Variants in SNX8 observed in about 807,000 individuals in gnomAD.
The protein encoded by SNX8 is sorting nexin 8.
Under a neutral mutation model 51.6 loss-of-function variants are expected in SNX8, and 25 were observed. The observed-to-expected ratio is 0.48, with a 90% CI of 0.35 to 0.68. The LOEUF (loss-of-function observed/expected upper bound fraction) is 0.68, where lower values mean the gene tolerates loss of function less well. Ranked by LOEUF, SNX8 falls within the 30% of genes least tolerant of loss-of-function variation. SNX8 has a pLI of 0.00. For missense variants in SNX8, 695 were observed against 624.0 expected, an observed-to-expected ratio of 1.11 and a Z score of -1.21; for synonymous variants, 324 against 277.0, an observed-to-expected ratio of 1.17 and a Z score of -1.68.
At chr7:2,302,819 C>T (rs1366714070) in intron 1 of SNX8, among the ~76,000 whole-genome samples, 4 of 151,012 alleles carry the variant, frequency 2.6e-5, no homozygotes, top group South Asian at 2.1e-4. Context: ...TGAGGAGCGT[C>T]TCTGCCCGGC....
chr7:2,257,313 G>A, intron 9 of SNX8, 52 bp downstream of exon 9: 1 of 1,570,178 alleles, frequency 6.4e-7, no homozygotes, highest in Non-Finnish European at 8.6e-7. Flanking sequence ...GTCCCACCAT[G>A]GCCGGGAGGG....
chr7:2,329,932 A>C (rs925822121), intron 1 of SNX8, among the ~76,000 whole-genome samples: 1 of 138,410 alleles, frequency 7.2e-6, no homozygotes, highest in Non-Finnish European at 1.6e-5. Flanking sequence ...GGTTCAAGCA[A>C]TTCGCCACTC....
At chr7:2,301,946 A>C (rs1032788440) in intron 1 of SNX8, among the ~76,000 whole-genome samples, 3 of 152,112 alleles carry the variant, frequency 2.0e-5, no homozygotes, top group Non-Finnish European at 4.4e-5. Context: ...CCAGGCTCTC[A>C]AAGAGTTGGG....
At chr7:2,266,111 T>C (rs1795457011) in intron 5 of SNX8, among the ~76,000 whole-genome samples, 1 of 152,174 alleles carries the variant, frequency 6.6e-6, no homozygotes, top group African/African-American at 2.4e-5. Context: ...AGCAAGACCT[T>C]GTCTCAAAAA....
At chr7:2,331,651 G>C (rs1778738090) in intron 1 of SNX8, among the ~76,000 whole-genome samples, 1 of 151,848 alleles carries the variant, frequency 6.6e-6, no homozygotes, top group Non-Finnish European at 1.5e-5. Context: ...CTTGCAGTGA[G>C]CCAAGATCAC....
rs748282709 is a variant in SNX8 at position 2,340,065 on chromosome 7, CTT to C, written c.-66+14155_-66+14156del. On this transcript the variant is annotated intron_variant, in intron 1 of 5. Transcript: ENST00000435336. ...ACATATGAAAAGCTAGGCTACAAAACTTTTTTTTTTTTTTTGAGACAGAGTTC... is the reference window on the plus strand; with the variant it reads ...ACATATGAAAAGCTAGGCTACAAAACTTTTTTTTTTTTTGAGACAGAGTTC... Among the ~76,000 whole-genome samples the C allele has an allele frequency of 3.9e-4, 56 of 142,210 alleles. 1 individual carries two copies. The highest frequency in any genetic ancestry group is 1.0e-3 in the African/African-American group (39 of 39,102). 93.3% of individuals were successfully genotyped at this position (142,210 alleles called of 152,430 possible). A position where few individuals can be genotyped will look rare whatever the true frequency, so the allele number is the denominator to read the frequency against.
chr7:2,275,782 A>G (rs879451069), intron 2 of SNX8, among the ~76,000 whole-genome samples: 1 of 151,814 alleles, frequency 6.6e-6, no homozygotes, highest in Non-Finnish European at 1.5e-5. Context: ...GCGGATCATG[A>G]GGTCAGGAGA....
intron 1 of SNX8, among the ~76,000 whole-genome samples, chr7:2,288,620 C>T (rs1248797606): frequency 2.6e-5 from 4 of 152,114 alleles, no homozygotes; most frequent in African/African-American, 4.8e-5. Context: ...CCAGGGCCAT[C>T]GCACCCAGAG....
intron 2 of SNX8, among the ~76,000 whole-genome samples, chr7:2,275,801 A>G (rs576592951): frequency 6.6e-6 from 1 of 151,954 alleles, no homozygotes; most frequent in Non-Finnish European, 1.5e-5. Flanking sequence ...GATCGAGACC[A>G]TCCTGGCCAA....
At chr7:2,266,196 C>T (rs1453898465) in intron 5 of SNX8, among the ~76,000 whole-genome samples, 1 of 151,766 alleles carries the variant, frequency 6.6e-6, no homozygotes, top group Admixed American at 6.6e-5. Flanking sequence ...TTGTTGTTGT[C>T]GTCTTTGACA....
At chr7:2,350,823 T>C (rs1779122769) in intron 1 of SNX8, among the ~76,000 whole-genome samples, 1 of 152,074 alleles carries the variant, frequency 6.6e-6, no homozygotes, top group Non-Finnish European at 1.5e-5. Flanking sequence ...AATTTTGTAT[T>C]TTTAGTAGAG....
At chr7:2,351,736 CAGG>C (rs1779144729) in intron 1 of SNX8, among the ~76,000 whole-genome samples, 2 of 151,220 alleles carry the variant, frequency 1.3e-5, no homozygotes, top group East Asian at 2.0e-4. Flanking sequence ...GAGGCTGAGG[CAGG>C]AGAATTGCTT....
intron 1 of SNX8, among the ~76,000 whole-genome samples, chr7:2,350,430 A>G (rs1779114225): frequency 6.6e-6 from 1 of 152,138 alleles, no homozygotes; most frequent in African/African-American, 2.4e-5. Context: ...AACCCATAAA[A>G]CTTATAATTT....
chr7:2,337,531 T>C (rs2115242366), intron 1 of SNX8, among the ~76,000 whole-genome samples: 1 of 152,222 alleles, frequency 6.6e-6, no homozygotes, highest in South Asian at 2.1e-4. Context: ...GCCAAAAATC[T>C]CCAATGTATT....
intron 1 of SNX8, among the ~76,000 whole-genome samples, chr7:2,342,545 C>T (rs899000780): frequency 5.9e-5 from 9 of 151,274 alleles, no homozygotes; most frequent in African/African-American, 2.2e-4. Context: ...GCCACAGCTA[C>T]TTGGGAGCCT....
chr7:2,269,523 TAAAAAAAA>T (rs375189373), intron 5 of SNX8, 28 bp downstream of exon 5: 17 of 894,234 alleles, frequency 1.9e-5, no homozygotes, highest in Non-Finnish European at 1.5e-5. Flanking sequence ...AAAAATAAAT[TAAAAAAAA>T]AAAAAAAGAA....
intron 1 of SNX8, among the ~76,000 whole-genome samples, chr7:2,293,332 A>G (rs1360960193): frequency 2.0e-5 from 3 of 151,516 alleles, no homozygotes; most frequent in Non-Finnish European, 4.4e-5. Context: ...ATTTATCTAA[A>G]GAAGATGCAG....
intron 1 of SNX8, among the ~76,000 whole-genome samples, chr7:2,333,772 G>A (rs1004018153): frequency 1.3e-5 from 2 of 152,062 alleles, no homozygotes; most frequent in African/African-American, 4.8e-5. Flanking sequence ...TCGATTTGAA[G>A]AAAAAAATGA....
At chr7:2,286,263 C>T (rs1049678654) in intron 1 of SNX8, among the ~76,000 whole-genome samples, 6 of 152,072 alleles carry the variant, frequency 3.9e-5, no homozygotes, top group Non-Finnish European at 7.4e-5. Flanking sequence ...CCGCCTGCCT[C>T]GGCCTCCCAA....
Sources: gnomAD v4.1 joint callset for allele counts (sites outside exome capture counted in the v4.1 genomes callset) on GRCh38, gnomAD v4.1.1 for gene constraint, MANE v1.5 for transcripts, NCBI Gene and HGNC (gene_info 2026-07-23, HGNC 2026-07-21) for gene names.